The following TRUB1 variants were observed in gnomAD, a reference collection of about 807,000 sequenced individuals.
TRUB1 encodes pseudouridylate synthase TRUB1.
In TRUB1, 23 loss-of-function variants were observed where a neutral mutation model predicts 33.9. That is an observed-to-expected ratio of 0.68 (90% confidence interval 0.49 to 0.96). The LOEUF (loss-of-function observed/expected upper bound fraction) is 0.96, where lower values mean the gene tolerates loss of function less well. Among genes scored for constraint, TRUB1 ranks in the 40% least tolerant of loss-of-function variants. TRUB1 has a pLI of 0.00. For missense variants in TRUB1, 378 were observed against 422.2 expected (o/e 0.90, Z 0.92); for synonymous variants, 163 against 165.4 (o/e 0.99, Z 0.11).
intron 2 of TRUB1, among the ~76,000 whole-genome samples, chr10:114,944,480 G>A (rs143732578): frequency 0.013 from 1,935 of 152,224 alleles, 46 homozygotes; most frequent in African/African-American, 0.044. Context: ...CCAACATGGT[G>A]AGACCCTGTC....
chr10:114,963,179 A>G (rs938227371), intron 4 of TRUB1, among the ~76,000 whole-genome samples: 1 of 152,138 alleles, frequency 6.6e-6, no homozygotes, highest in East Asian at 1.9e-4. Context: ...GTGGAATCTC[A>G]TGCTAATCTT....
chr10:114,938,291 C>G lies in TRUB1; in HGVS notation c.38C>G (p.Ser13Cys), dbSNP rs1436519549. 3.7e-6 allele frequency: 6 copies of G among 1,614,058 alleles called. No homozygotes were observed. The highest frequency in any genetic ancestry group is 4.2e-6 in the Non-Finnish European group (5 of 1,180,042). ...GAGGCGGCGGTGGTGTCTTCGCCGT[C>G]TTTGAAAACAGACACATCCCCTGTC... is the stretch of plus-strand genomic sequence containing the variant. Reference protein sequence around the residue: ...ASEAAVVSSPSLKTDTSPVLE... With the variant: ...ASEAAVVSSPCLKTDTSPVLE... Residue 13 changes from serine to cysteine, a missense_variant, in exon 1 of 8, where the codon TCT (serine) becomes TGT (cysteine). Coordinates refer to ENST00000298746, the MANE Select transcript of TRUB1 (RefSeq NM_139169.5).
At chr10:114,960,946 T>C (rs114891668) in intron 4 of TRUB1, among the ~76,000 whole-genome samples, 113 of 152,240 alleles carry the variant, frequency 7.4e-4, no homozygotes, top group African/African-American at 2.7e-3. Context: ...AGGAGAATGA[T>C]TATTATTCAG....
At position 114,951,111 on chromosome 10, in the gene TRUB1, G is replaced by T. The variant is rs531711499; in HGVS notation, c.403G>T (p.Gly135Ter). ...ATTTGTAGTTGTTGGAATTGGAAGC[G>T]GAACAAAAATGTTGACCAGTATGTT... ...RGVLVVGIGSGTKMLTSMLSG... is the reference protein window; with the variant it reads ...RGVLVVGIGS The change falls in exon 3 of 8, where the codon GGA becomes TGA. Residue 135 changes from glycine (G) to a stop codon, truncating the protein, a stop_gained. Coordinates refer to ENST00000298746, the MANE Select transcript of TRUB1 (RefSeq NM_139169.5). LOFTEE classifies it high-confidence loss of function. 1 of 1,611,768 alleles carries T rather than the reference G, an allele frequency of 6.2e-7. No individual in the cohort carries two copies. The highest frequency in any genetic ancestry group is 1.3e-5 in the African/African-American group (1 of 74,926).
intron 2 of TRUB1, among the ~76,000 whole-genome samples, chr10:114,943,282 A>G (rs2084196495): frequency 6.6e-6 from 1 of 152,138 alleles, no homozygotes; most frequent in South Asian, 2.1e-4. Flanking sequence ...GCCTGTAATC[A>G]GCACTTTGGG....
At chr10:114,971,657 TAA>T (rs1332765197) in intron 5 of TRUB1, among the ~76,000 whole-genome samples, 1 of 152,240 alleles carries the variant, frequency 6.6e-6, no homozygotes, top group Non-Finnish European at 1.5e-5. Flanking sequence ...CACGAAAAGC[TAA>T]GATACGCTAA....
intron 3 of TRUB1, among the ~76,000 whole-genome samples, chr10:114,958,710 C>T (rs968432194): frequency 6.6e-6 from 1 of 152,136 alleles, no homozygotes; most frequent in Non-Finnish European, 1.5e-5. Context: ...ACAAGTGTGT[C>T]CTAAGATGAG....
chr10:114,965,341 A>T (rs747887296), intron 4 of TRUB1, among the ~76,000 whole-genome samples: 2 of 151,718 alleles, frequency 1.3e-5, no homozygotes, highest in African/African-American at 2.4e-5. Context: ...ATTGTATCAA[A>T]TTTTTTTTCT....
intron 2 of TRUB1, among the ~76,000 whole-genome samples, chr10:114,944,579 A>G (rs2143020395): frequency 6.6e-6 from 1 of 152,220 alleles, no homozygotes; most frequent in South Asian, 2.1e-4. Flanking sequence ...GAATCACTTG[A>G]ACCCAGGAGA....
At chr10:114,945,261 T>G (rs533202869) in intron 2 of TRUB1, among the ~76,000 whole-genome samples, 2 of 152,214 alleles carry the variant, frequency 1.3e-5, no homozygotes, top group South Asian at 4.1e-4. Flanking sequence ...TGCTCCTGCT[T>G]TTGTTCCTCA....
At chr10:114,942,622 T>C (rs752421533) in intron 1 of TRUB1, 23 bp from the exon 2 acceptor site, 2 of 1,538,624 alleles carry the variant, frequency 1.3e-6, no homozygotes, top group African/African-American at 2.7e-5. Flanking sequence ...GATCACCTTT[T>C]TTCATCCCCA....
At chr10:114,964,318 GT>G (rs200431777) in intron 4 of TRUB1, among the ~76,000 whole-genome samples, 3,453 of 130,714 alleles carry the variant, frequency 0.026, 62 homozygotes, top group Non-Finnish European at 0.033. Flanking sequence ...CCCATTTTTT[GT>G]TTTTTCTTTC....
At position 114,938,348 on chromosome 10, in the gene TRUB1, C is replaced by CT. The variant is rs751789375; in HGVS notation, c.96dup (p.Ala33CysfsTer128). ...ACTGCAGGAACGGTCGCAGCAATGG[C>CT]TGCGACCCCGTCAGCAAGGGCTGCA... is the stretch of plus-strand genomic sequence containing the variant. On this transcript the variant is annotated frameshift_variant, in exon 1 of 8. Coordinates refer to ENST00000298746, the MANE Select transcript of TRUB1 (RefSeq NM_139169.5). LOFTEE classifies it high-confidence loss of function. 5.0e-6 allele frequency: 8 copies of CT among 1,603,930 alleles called. No homozygotes were observed. In the Admixed American group the frequency reaches 1.2e-4, roughly 24 times the overall value.
At chr10:114,943,867 C>G (rs1277547636) in intron 2 of TRUB1, among the ~76,000 whole-genome samples, 1 of 151,918 alleles carries the variant, frequency 6.6e-6, no homozygotes, top group Admixed American at 6.6e-5. Context: ...GATCAACTCT[C>G]TTGAGAAGGG....
At chr10:114,941,624 T>G (rs2084187172) in intron 1 of TRUB1, among the ~76,000 whole-genome samples, 1 of 152,176 alleles carries the variant, frequency 6.6e-6, no homozygotes, top group South Asian at 2.1e-4. Context: ...ATTACAGGCA[T>G]GAGCCACTGT....
Position 114,962,264 on chromosome 10 carries a change from C to T in TRUB1, c.523+2457C>T, listed in dbSNP as rs143116368. 2.6e-3 allele frequency among the ~76,000 whole-genome samples: 402 copies of T among 152,204 alleles called. 3 individuals carry two copies. Among genetic ancestry groups the T allele is most frequent in the African/African-American group, 9.4e-3 (390 of 41,526 alleles). ...AGAGGCAGGGTTTCACTTTGTTGGC[C>T]AGGCTGGTCTTGAACTCCTGATCAG... On this transcript the variant is annotated intron_variant, in intron 4 of 7. Coordinates refer to ENST00000298746, the MANE Select transcript of TRUB1 (RefSeq NM_139169.5).
chr10:114,971,927 A>T (rs555735991), intron 5 of TRUB1, among the ~76,000 whole-genome samples: 26 of 152,328 alleles, frequency 1.7e-4, no homozygotes, highest in African/African-American at 6.0e-4. Context: ...CAGCCTTAGA[A>T]ATATTTAGAA....
chr10:114,944,862 A>G lies in TRUB1; in HGVS notation c.385+2119A>G, dbSNP rs547452983. Among the ~76,000 whole-genome samples, 11 of 151,682 alleles carry G rather than the reference A, an allele frequency of 7.3e-5. No individual in the cohort carries two copies. The South Asian group carries it at 1.9e-3, about 26-fold the overall frequency. On this transcript the variant is annotated intron_variant, in intron 2 of 7. Coordinates refer to ENST00000298746, the MANE Select transcript of TRUB1 (RefSeq NM_139169.5). ...TAGCTGGGTGTGGTGACACATACCT[A>G]TAGTCCCAGCTACTTGGGAGGCTGA...
At chr10:114,946,852 G>A (rs1039236902) in intron 2 of TRUB1, among the ~76,000 whole-genome samples, 2 of 152,020 alleles carry the variant, frequency 1.3e-5, no homozygotes, top group African/African-American at 4.8e-5. Flanking sequence ...TCAAAAATAC[G>A]TGGTAGGCAA....
Sources: allele counts gnomAD v4.1 joint callset (sites outside exome capture counted in the v4.1 genomes callset), GRCh38; gene constraint gnomAD v4.1.1; transcripts MANE v1.5; gene names NCBI Gene and HGNC (gene_info 2026-07-23, HGNC 2026-07-21).